Variants in FARS2 observed in about 807,000 individuals in gnomAD.
The protein encoded by FARS2 is phenylalanine--tRNA ligase, mitochondrial.
A neutral mutation model predicts 46.4 loss-of-function variants in FARS2; 40 were observed. The ratio of observed to expected loss-of-function variants is 0.86; its 90% CI spans 0.67 to 1.12. FARS2 has a LOEUF of 1.12. FARS2 is among the 50% of genes most tolerant of loss of function. The pLI is 0.00. For synonymous variants in FARS2, 234 were observed against 214.9 expected (o/e 1.09, Z -0.78); for missense variants, 513 against 567.9 (o/e 0.90, Z 0.98).
At chr6:5,432,345 T>TA (rs1562036510) in intron 4 of FARS2, among the ~76,000 whole-genome samples, 4 of 32,214 alleles carry the variant, frequency 1.2e-4, no homozygotes, top group African/African-American at 2.5e-4. Flanking sequence ...TATATATATA[T>TA]ATATATTATA....
chr6:5,264,623 T>C (rs1765423562), intron 1 of FARS2, among the ~76,000 whole-genome samples: 1 of 152,244 alleles, frequency 6.6e-6, no homozygotes, highest in Middle Eastern at 3.4e-3. Context: ...TCCAGGCTTT[T>C]CTTGAACTCC....
chr6:5,652,868 G>T (rs1220573092), intron 6 of FARS2, among the ~76,000 whole-genome samples: 1 of 152,238 alleles, frequency 6.6e-6, no homozygotes, highest in African/African-American at 2.4e-5. Context: ...AGCTGCCCCA[G>T]ACAGTCTGTA....
At chr6:5,339,863 A>G (rs534283353) in intron 1 of FARS2, among the ~76,000 whole-genome samples, 1 of 152,330 alleles carries the variant, frequency 6.6e-6, no homozygotes, top group African/African-American at 2.4e-5. Flanking sequence ...GGGCAAGCAG[A>G]GCTGTAAAAG....
At chr6:5,405,480 C>CTTTTTTTTTTGTTTTTTTTTTTTTT (rs1761521717) in intron 3 of FARS2, among the ~76,000 whole-genome samples, 1 of 58,946 alleles carries the variant, frequency 1.7e-5, no homozygotes, top group Non-Finnish European at 3.1e-5. Flanking sequence ...GAGCAAGGTT[C>CTTTTTTTTTTGTTTTTTTTTTTTTT]TTTTTTTTTT....
chr6:5,720,086 T>A (rs73364207), intron 6 of FARS2, among the ~76,000 whole-genome samples: 1,580 of 152,202 alleles, frequency 0.01, 30 homozygotes, highest in African/African-American at 0.035. Flanking sequence ...TAGATCACCC[T>A]GCATTCACAA....
chr6:5,474,663 G>GTT (rs760857089), intron 4 of FARS2, among the ~76,000 whole-genome samples: 9,983 of 133,728 alleles, frequency 0.075, 651 homozygotes, highest in African/African-American at 0.13. Context: ...ATACAGTACT[G>GTT]TTTTTTTTTT....
chr6:5,598,078 T>C (rs879889087), intron 5 of FARS2, among the ~76,000 whole-genome samples: 2 of 152,106 alleles, frequency 1.3e-5, no homozygotes, highest in Non-Finnish European at 2.9e-5. Context: ...GCAACTATGA[T>C]GTTTTCTCTT....
In FARS2 at chr6:5,539,396, A is replaced by ATATATATATATATATATATATATATG. The variant is rs1024662143; in HGVS notation, c.905-5781_905-5780insATATATATATATATATATATATGTAT. On this transcript the variant is annotated intron_variant, in intron 4 of 6. Coordinates refer to ENST00000274680, the MANE Select transcript of FARS2 (RefSeq NM_006567.5). ...TAATTTTTTTTGTGTATATATATAT[A>ATATATATATATATATATATATATATG]TATGTATATATTTTTTTAGTAGAGA... 2.8e-4 allele frequency among the ~76,000 whole-genome samples: 38 copies of ATATATATATATATATATATATATATG among 136,472 alleles called. 1 individual carries two copies. Among genetic ancestry groups the ATATATATATATATATATATATATATG allele is most frequent in the African/African-American group, 5.6e-4 (19 of 33,762 alleles). The allele number at this position is 136,472 out of a possible 152,430, so 89.5% of individuals were successfully genotyped here. A position where few individuals can be genotyped will look rare whatever the true frequency, so the allele number is the denominator to read the frequency against.
chr6:5,602,982 G>A (rs1382870862), intron 5 of FARS2, among the ~76,000 whole-genome samples: 1 of 152,142 alleles, frequency 6.6e-6, no homozygotes, highest in East Asian at 1.9e-4. Context: ...CCATTTTATA[G>A]ATGAAGAAAC....
At chr6:5,333,290 C>G (rs1770927605) in intron 1 of FARS2, among the ~76,000 whole-genome samples, 1 of 152,174 alleles carries the variant, frequency 6.6e-6, no homozygotes, top group Admixed American at 6.5e-5. Flanking sequence ...CCCATTTCAT[C>G]TGAGTAGCCT....
intron 1 of FARS2, among the ~76,000 whole-genome samples, chr6:5,314,114 G>A (rs1385183226): frequency 6.6e-6 from 1 of 152,312 alleles, no homozygotes; most frequent in African/African-American, 2.4e-5. Flanking sequence ...TCTTTAACCA[G>A]CAGTTCTGTA....
chr6:5,269,275 G>A (rs1765774832), intron 1 of FARS2, among the ~76,000 whole-genome samples: 2 of 151,894 alleles, frequency 1.3e-5, no homozygotes, highest in South Asian at 4.2e-4. Flanking sequence ...ACTCATAGGT[G>A]GGAATTGAAC....
At chr6:5,427,844 G>A (rs1762936794) in intron 3 of FARS2, among the ~76,000 whole-genome samples, 1 of 152,152 alleles carries the variant, frequency 6.6e-6, no homozygotes, top group South Asian at 2.1e-4. Flanking sequence ...AGCAAGGGTT[G>A]ATAAAACATA....
chr6:5,368,536 T>G lies in FARS2; in HGVS notation c.-21-14T>G, dbSNP rs771455141. ...TGACACCTGACTTGTGCTTTGCCTGTGTGCTCTTTCCAGAACCTGTGAGAA... is the reference window on the plus strand; with the variant it reads ...TGACACCTGACTTGTGCTTTGCCTGGGTGCTCTTTCCAGAACCTGTGAGAA... On this transcript the variant is annotated splice_polypyrimidine_tract_variant and intron_variant, in intron 1 of 6. Coordinates refer to ENST00000274680, the MANE Select transcript of FARS2 (RefSeq NM_006567.5). 3 of 1,570,890 alleles carry G rather than the reference T, an allele frequency of 1.9e-6. No individual in the cohort carries two copies. Among genetic ancestry groups the G allele is most frequent in the Non-Finnish European group, 2.6e-6 (3 of 1,157,124 alleles).
chr6:5,262,277 G>T (rs6925249), intron 1 of FARS2, among the ~76,000 whole-genome samples: 53,979 of 151,912 alleles, frequency 0.36, 11,542 homozygotes, highest in African/African-American at 0.6. Context: ...GAACTTTTCT[G>T]TTTCCTTTTC....
At chr6:5,310,651 A>G (rs541820719) in intron 1 of FARS2, among the ~76,000 whole-genome samples, 41 of 152,348 alleles carry the variant, frequency 2.7e-4, no homozygotes, top group Non-Finnish European at 5.7e-4. Context: ...CTGATAATTA[A>G]TGGGAAGGTA....
intron 4 of FARS2, among the ~76,000 whole-genome samples, chr6:5,508,926 G>A (rs1309404723): frequency 6.6e-6 from 1 of 152,192 alleles, no homozygotes; most frequent in Non-Finnish European, 1.5e-5. Flanking sequence ...ATAAAGGAAG[G>A]AGTCAGCAAA....
At chr6:5,327,517 G>T (rs1382775058) in intron 1 of FARS2, among the ~76,000 whole-genome samples, 1 of 152,112 alleles carries the variant, frequency 6.6e-6, no homozygotes, top group African/African-American at 2.4e-5. Context: ...AAATCTGATG[G>T]TTTTATAAAA....
At chr6:5,740,592 C>A (rs1447043191) in intron 6 of FARS2, among the ~76,000 whole-genome samples, 5 of 151,934 alleles carry the variant, frequency 3.3e-5, no homozygotes. Context: ...CGTGGAGCCA[C>A]AAAAGCCCCC....
Sources: allele counts gnomAD v4.1 joint callset (sites outside exome capture counted in the v4.1 genomes callset), GRCh38; gene constraint gnomAD v4.1.1; transcripts MANE v1.5; gene names NCBI Gene and HGNC (gene_info 2026-07-23, HGNC 2026-07-21).